Variants in PTPN5 observed in about 807,000 individuals in gnomAD.
The protein encoded by PTPN5 is protein tyrosine phosphatase non-receptor type 5.
In PTPN5, 29 loss-of-function variants were observed where a neutral mutation model predicts 73.9. That is an observed-to-expected ratio of 0.39 (90% CI 0.29 to 0.54). PTPN5 has a LOEUF of 0.54. PTPN5 is among the 20% of genes least tolerant of loss of function. The pLI is 0.65. For missense variants in PTPN5, 652 were observed against 751.4 expected, an observed-to-expected ratio of 0.87 and a Z score of 1.55; for synonymous variants, 267 against 304.7, an observed-to-expected ratio of 0.88 and a Z score of 1.29.
Position 18,733,476 on chromosome 11 carries a change from G to A in PTPN5, c.1080+80C>T, listed in dbSNP as rs986960201. On this transcript the variant is annotated intron_variant, in intron 10 of 14. Transcript: ENST00000358540. This position sits in a 1 kb window ranked among gnomAD's most constrained non-coding sequence, Gnocchi z 4.3. ...AGGAGCTGGCAGGAGCCAGACTGGT[G>A]TAGGGACAAGGCTGGAGGATGGATC... 2.3e-5 allele frequency: 37 copies of A among 1,611,810 alleles called. No homozygotes were observed. The highest frequency in any genetic ancestry group is 1.2e-4 in the South Asian group (11 of 90,900).
At chr11:18,782,236 T>A (rs146160439) in intron 1 of PTPN5, among the ~76,000 whole-genome samples, 61 of 152,216 alleles carry the variant, frequency 4.0e-4, no homozygotes, top group Middle Eastern at 3.4e-3. Context: ...TATGTCTTTT[T>A]TTTTTTTTGG....
intron 3 of PTPN5, among the ~76,000 whole-genome samples, chr11:18,749,784 G>A (rs1348643445): frequency 6.6e-6 from 1 of 152,204 alleles, no homozygotes. Context: ...CCTGGAGCTG[G>A]TGCCGCCTGA....
At chr11:18,755,703 G>A (rs1850099198) in intron 3 of PTPN5, among the ~76,000 whole-genome samples, 1 of 151,998 alleles carries the variant, frequency 6.6e-6, no homozygotes, top group African/African-American at 2.4e-5. Flanking sequence ...AGGGATATGG[G>A]AAAAAAGATG....
intron 1 of PTPN5, among the ~76,000 whole-genome samples, chr11:18,788,815 G>C (rs1413786752): frequency 6.6e-6 from 1 of 152,136 alleles, no homozygotes; most frequent in African/African-American, 2.4e-5. Flanking sequence ...TGCACCCTTA[G>C]ATAAGTGAAA....
chr11:18,776,875 T>C (rs898318896), intron 1 of PTPN5, among the ~76,000 whole-genome samples: 7 of 152,070 alleles, frequency 4.6e-5, no homozygotes, highest in Middle Eastern at 3.2e-3. Flanking sequence ...AAAAACACCA[T>C]AAAGGGCCAG....
chr11:18,750,403 C>G (rs1046962979), intron 3 of PTPN5, among the ~76,000 whole-genome samples: 82 of 152,162 alleles, frequency 5.4e-4, no homozygotes, highest in African/African-American at 2.0e-3. Context: ...TAACTCCCTA[C>G]TCCTAGGACC....
intron 5 of PTPN5, 121 bp from the exon 6 acceptor site, chr11:18,743,196 G>C: frequency 8.1e-7 from 1 of 1,235,292 alleles, no homozygotes; most frequent in South Asian, 1.2e-5. Flanking sequence ...GGAGCAGGCA[G>C]AAGAACTTCA....
At chr11:18,762,195 G>A (rs924877734) in intron 3 of PTPN5, among the ~76,000 whole-genome samples, 7 of 152,056 alleles carry the variant, frequency 4.6e-5, no homozygotes, top group Non-Finnish European at 8.8e-5. Context: ...GTGGTGGCTC[G>A]GAGTGTTGGC....
At chr11:18,735,994 T>G (rs966312677) in intron 9 of PTPN5, among the ~76,000 whole-genome samples, 1 of 152,152 alleles carries the variant, frequency 6.6e-6, no homozygotes, top group Non-Finnish European at 1.5e-5. Context: ...CTGGCACGGC[T>G]CCAGGGGGCA....
chr11:18,757,539 G>A (rs984564226), intron 3 of PTPN5, among the ~76,000 whole-genome samples: 15 of 152,208 alleles, frequency 9.9e-5, no homozygotes, highest in African/African-American at 3.6e-4. Flanking sequence ...CCTGATTCCT[G>A]GACCTGGTGG....
intron 3 of PTPN5, among the ~76,000 whole-genome samples, chr11:18,746,192 T>TATACAC (rs550537453): frequency 6.8e-5 from 7 of 102,824 alleles, no homozygotes; most frequent in South Asian, 3.4e-4. Flanking sequence ...TATATATATA[T>TATACAC]ACATTTTTTT....
At chr11:18,781,366 C>A (rs1003462485) in intron 1 of PTPN5, among the ~76,000 whole-genome samples, 1 of 125,714 alleles carries the variant, frequency 8.0e-6, no homozygotes, top group Non-Finnish European at 1.6e-5. Flanking sequence ...GTCACCCAGG[C>A]TGGAGCGCAG....
At chr11:18,756,938 C>CAAAAAA (rs1564910700) in intron 3 of PTPN5, among the ~76,000 whole-genome samples, 1 of 138,158 alleles carries the variant, frequency 7.2e-6, no homozygotes, top group South Asian at 2.3e-4. Context: ...AAAAAAAAAC[C>CAAAAAA]AAAAAACAAA....
intron 3 of PTPN5, among the ~76,000 whole-genome samples, chr11:18,747,792 C>T (rs7130636): frequency 0.67 from 101,960 of 152,066 alleles, 34,866 homozygotes; most frequent in Middle Eastern, 0.86. Flanking sequence ...TAAGAAAGTA[C>T]AAATATGTCT....
intron 1 of PTPN5, among the ~76,000 whole-genome samples, chr11:18,791,186 G>A (rs1851905789): frequency 6.6e-6 from 1 of 152,234 alleles, no homozygotes; most frequent in South Asian, 2.1e-4. Context: ...CCGGAGAGGC[G>A]ATGCAGCCCA....
At chr11:18,743,711 A>G in intron 4 of PTPN5, 1 of 577,750 alleles carries the variant, frequency 1.7e-6, no homozygotes. Flanking sequence ...AAAGGCCTCC[A>G]CAGACAGGAG....
Position 18,741,993 on chromosome 11 carries a change from GA to G in PTPN5, c.725+268del, listed in dbSNP as rs540220922. Among the ~76,000 whole-genome samples the G allele has an allele frequency of 1.5e-3, 226 of 152,372 alleles. 2 individuals are homozygous for G. Among genetic ancestry groups the G allele is most frequent in the South Asian group, 8.7e-3 (42 of 4,832 alleles). ...AGGCCCTGACAAGTCCTGCAGCAAA[GA>G]AAACCACCCAAACTTACTTGAGCAT... On this transcript the variant is annotated intron_variant, in intron 7 of 14. Transcript: ENST00000358540.
chr11:18,737,975 A>G lies in PTPN5; in HGVS notation c.916-11T>C, dbSNP rs1217410911. ...GTTCATGGGGATTTCCTGTGGAAGG[A>G]GGACACGGGGTGTGAGCAGCTATGG... On this transcript the variant is annotated splice_polypyrimidine_tract_variant and intron_variant, in intron 8 of 14. Coordinates refer to ENST00000358540, the MANE Select transcript of PTPN5 (RefSeq NM_006906.2). The G allele has an allele frequency of 5.6e-6, 9 of 1,612,216 alleles. No individual in the cohort carries two copies. The highest frequency in any genetic ancestry group is 1.3e-5 in the African/African-American group (1 of 74,892).
chr11:18,741,899 G>A (rs978710968), intron 7 of PTPN5, among the ~76,000 whole-genome samples: 1 of 152,252 alleles, frequency 6.6e-6, no homozygotes, highest in Middle Eastern at 3.4e-3. Flanking sequence ...AGAGTTCCGT[G>A]GTCAAGTGAC....
Sources: gnomAD v4.1 joint callset for allele counts (sites outside exome capture counted in the v4.1 genomes callset) on GRCh38, gnomAD v4.1.1 for gene constraint, Gnocchi (gnomAD v3.1) non-coding constraint, MANE v1.5 for transcripts, NCBI Gene and HGNC (gene_info 2026-07-23, HGNC 2026-07-21) for gene names.